Variants in WDR49 observed in about 807,000 individuals in gnomAD.
The protein encoded by WDR49 is WD repeat domain 49, also known as cilia- and flagella-associated protein 337.
A neutral mutation model predicts 119.5 loss-of-function variants in WDR49; 107 were observed. That is an observed-to-expected ratio of 0.90 (90% CI 0.77 to 1.05). WDR49 has a LOEUF of 1.05. WDR49 is among the 50% of genes least tolerant of loss of function. WDR49 has a pLI of 0.00. For missense variants in WDR49, 1,240 were observed against 1,220.5 expected (o/e 1.02, Z -0.24); for synonymous variants, 425 against 418.8 (o/e 1.01, Z -0.18).
At chr3:167,508,445 T>G (rs1002728766) in intron 16 of WDR49, among the ~76,000 whole-genome samples, 38 of 152,298 alleles carry the variant, frequency 2.5e-4, no homozygotes, top group African/African-American at 8.9e-4. Context: ...GTAGCTATCT[T>G]CTAGGATTAC....
intron 10 of WDR49, 76 bp from the exon 11 acceptor site, chr3:167,537,076 T>C: frequency 1.5e-6 from 2 of 1,360,998 alleles, no homozygotes; most frequent in Admixed American, 2.5e-5. Context: ...TCCACTTGAA[T>C]GATGTGATCC....
intron 5 of WDR49, among the ~76,000 whole-genome samples, chr3:167,611,844 T>A (rs1716354131): frequency 6.6e-6 from 1 of 152,098 alleles, no homozygotes; most frequent in Admixed American, 6.5e-5. Context: ...ATAAGGTAAA[T>A]ATTATTAGAA....
chr3:167,634,975 A>T lies in WDR49; in HGVS notation c.166-7683T>A, dbSNP rs1464137763. On this transcript the variant is annotated intron_variant, in intron 2 of 18. Coordinates refer to ENST00000682715, the MANE Select transcript of WDR49 (RefSeq NM_001366157.1). ...TTGCTTTTTCCACTTATATCATACC[A>T]TAAAGCTATGCCTCTTATATATTGG... is the stretch of plus-strand genomic sequence containing the variant. Among the ~76,000 whole-genome samples, 5 of 151,976 alleles carry T rather than the reference A, an allele frequency of 3.3e-5. No homozygotes were observed. In the East Asian group the frequency reaches 9.7e-4, roughly 29 times the overall value.
At chr3:167,542,760 C>G (rs141526879) in intron 10 of WDR49, among the ~76,000 whole-genome samples, 1 of 151,616 alleles carries the variant, frequency 6.6e-6, no homozygotes, top group African/African-American at 2.4e-5. Flanking sequence ...CAAACCCAAA[C>G]CCAGCAGAAG....
chr3:167,624,584 C>G (rs1467432673), intron 3 of WDR49, among the ~76,000 whole-genome samples: 1 of 151,912 alleles, frequency 6.6e-6, no homozygotes, highest in Non-Finnish European at 1.5e-5. Context: ...AATCTATCAG[C>G]TTGGGACACT....
At chr3:167,524,750 A>G (rs1490942460) in intron 15 of WDR49, among the ~76,000 whole-genome samples, 1 of 151,890 alleles carries the variant, frequency 6.6e-6, no homozygotes, top group Non-Finnish European at 1.5e-5. Flanking sequence ...CCTCTGTTCT[A>G]TTCCATTGGT....
intron 7 of WDR49, among the ~76,000 whole-genome samples, chr3:167,598,234 G>A (rs751820944): frequency 7.3e-5 from 11 of 150,734 alleles, no homozygotes; most frequent in Non-Finnish European, 1.2e-4. Flanking sequence ...GAACCTAGGA[G>A]GCAGAGGTTG....
intron 2 of WDR49, among the ~76,000 whole-genome samples, chr3:167,649,111 T>C (rs1718259381): frequency 6.6e-6 from 1 of 152,100 alleles, no homozygotes; most frequent in Non-Finnish European, 1.5e-5. Context: ...ATTTTATTTA[T>C]GTGTTTGGGA....
intron 11 of WDR49, among the ~76,000 whole-genome samples, chr3:167,534,935 C>T (rs938954266): frequency 5.3e-5 from 8 of 152,148 alleles, no homozygotes; most frequent in Non-Finnish European, 1.2e-4. Flanking sequence ...ACGTGTGATT[C>T]GTACCTGACA....
intron 7 of WDR49, among the ~76,000 whole-genome samples, chr3:167,589,962 T>C (rs1324560550): frequency 6.6e-6 from 1 of 151,996 alleles, no homozygotes; most frequent in African/African-American, 2.4e-5. Context: ...TTGAATAACA[T>C]AGTGGGCATT....
intron 18 of WDR49, among the ~76,000 whole-genome samples, chr3:167,480,775 T>A: frequency 6.6e-6 from 1 of 152,132 alleles, no homozygotes; most frequent in East Asian, 1.9e-4. Flanking sequence ...AGCAGCAGCA[T>A]CTTAGAATGT....
chr3:167,543,160 AC>A (rs1711946943), intron 10 of WDR49, among the ~76,000 whole-genome samples: 3 of 151,912 alleles, frequency 2.0e-5, no homozygotes. Context: ...AAAAATGCCA[AC>A]AAAAAAAGTC....
upstream of WDR49, among the ~76,000 whole-genome samples, chr3:167,655,972 G>A (rs952385700): frequency 6.6e-6 from 1 of 151,984 alleles, no homozygotes; most frequent in Non-Finnish European, 1.5e-5. Flanking sequence ...ATTGTGACCT[G>A]GTGCCTGCCA....
intron 9 of WDR49, among the ~76,000 whole-genome samples, chr3:167,559,337 C>G (rs1713125991): frequency 6.6e-6 from 1 of 152,120 alleles, no homozygotes; most frequent in Non-Finnish European, 1.5e-5. Flanking sequence ...CTCAAAATGG[C>G]ACAAGCCATT....
At chr3:167,609,920 T>A (rs1716261973) in intron 5 of WDR49, among the ~76,000 whole-genome samples, 2 of 152,122 alleles carry the variant, frequency 1.3e-5, no homozygotes, top group Admixed American at 1.3e-4. Flanking sequence ...CAATCCTGGA[T>A]GACACTTCTA....
At chr3:167,612,742 C>A (rs888367780) in intron 5 of WDR49, among the ~76,000 whole-genome samples, 104 of 152,010 alleles carry the variant, frequency 6.8e-4, no homozygotes, top group African/African-American at 2.4e-3. Context: ...TAGATGCATA[C>A]AACCCACCAA....
At chr3:167,519,706 T>C (rs1364466466) in intron 16 of WDR49, among the ~76,000 whole-genome samples, 1 of 151,998 alleles carries the variant, frequency 6.6e-6, no homozygotes, top group Non-Finnish European at 1.5e-5. Context: ...ACTTAGGTTA[T>C]AGGTCAATAG....
intron 10 of WDR49, among the ~76,000 whole-genome samples, chr3:167,539,183 G>A (rs1200028165): frequency 6.6e-6 from 1 of 152,074 alleles, no homozygotes; most frequent in Non-Finnish European, 1.5e-5. Flanking sequence ...AGAACGCAAA[G>A]TTTGCCTGAA....
chr3:167,574,203 G>C (rs1052654330), intron 8 of WDR49, among the ~76,000 whole-genome samples: 2 of 152,090 alleles, frequency 1.3e-5, no homozygotes, highest in East Asian at 1.9e-4. Flanking sequence ...TTAAAGAGTT[G>C]AATCTTCCTG....
Sources: gnomAD v4.1 joint callset for allele counts (sites outside exome capture counted in the v4.1 genomes callset) on GRCh38, gnomAD v4.1.1 for gene constraint, MANE v1.5 for transcripts, NCBI Gene and HGNC (gene_info 2026-07-23, HGNC 2026-07-21) for gene names.